STAB2: variants seen among roughly 807,000 people sequenced by gnomAD.
The protein encoded by STAB2 is stabilin-2.
STAB2 carries 288 observed loss-of-function variants against 338.1 expected under a neutral mutation model. The observed-to-expected ratio is 0.85, with a 90% CI of 0.77 to 0.94. The LOEUF is 0.94. Among genes scored for constraint, STAB2 ranks in the 40% least tolerant of loss-of-function variants. The pLI is 0.00. For missense variants in STAB2, 3,141 were observed against 3,210.1 expected (o/e 0.98, Z 0.52); for synonymous variants, 1,202 against 1,193.3 (o/e 1.01, Z -0.15).
In STAB2 at chr12:103,619,756, G is replaced by A. The variant is rs116255658; in HGVS notation, c.332-712G>A. On this transcript the variant is annotated intron_variant, in intron 3 of 68. Coordinates refer to ENST00000388887, the MANE Select transcript of STAB2 (RefSeq NM_017564.10). ...TTTTACCTCATCAGCAACGCCCCCC[G>A]CCCCCGCCACCCCACAACTCTCACA... Among the ~76,000 whole-genome samples, 22 of 115,676 alleles carry A rather than the reference G, an allele frequency of 1.9e-4. 1 individual carries two copies. The highest frequency in any genetic ancestry group is 4.9e-4 in the African/African-American group (14 of 28,422). 75.9% of individuals were successfully genotyped at this position (115,676 alleles called of 152,430 possible).
rs115822114 is a variant in STAB2 at position 103,695,111 on chromosome 12, A to G, written c.3376-439A>G. Among the ~76,000 whole-genome samples, 258 of 152,324 alleles carry G rather than the reference A, an allele frequency of 1.7e-3. 1 individual carries two copies. Among genetic ancestry groups the G allele is most frequent in the African/African-American group, 5.8e-3 (241 of 41,566 alleles). Reference sequence around the variant, plus strand: ...GCCACTGGGTTGCAGTAGATTTGAGACTTCAGAGAAAATAAATGGAGAACC... The same window carrying G: ...GCCACTGGGTTGCAGTAGATTTGAGGCTTCAGAGAAAATAAATGGAGAACC... On this transcript the variant is annotated intron_variant, in intron 31 of 68. Coordinates refer to ENST00000388887, the MANE Select transcript of STAB2 (RefSeq NM_017564.10).
Position 103,669,537 on chromosome 12 carries a change from T to G in STAB2, c.2173-4T>G, listed in dbSNP as rs1292336653. On this transcript the variant is annotated splice_region_variant and splice_polypyrimidine_tract_variant and intron_variant, in intron 20 of 68. Coordinates refer to ENST00000388887, the MANE Select transcript of STAB2 (RefSeq NM_017564.10). ...CAAAGGGGAACACGCATTTTGTTTTTCAGATTCCAAAGTGCTGCAAAGGCT... is the reference window on the plus strand; with the variant it reads ...CAAAGGGGAACACGCATTTTGTTTTGCAGATTCCAAAGTGCTGCAAAGGCT... 21 of 1,613,932 alleles carry G rather than the reference T, an allele frequency of 1.3e-5. No individual in the cohort carries two copies. Among genetic ancestry groups the G allele is most frequent in the Non-Finnish European group, 1.5e-5 (18 of 1,179,928 alleles).
chr12:103,606,231 C>T (rs1957025764), intron 3 of STAB2, among the ~76,000 whole-genome samples: 1 of 152,098 alleles, frequency 6.6e-6, no homozygotes, highest in African/African-American at 2.4e-5. Context: ...TTACACCACT[C>T]TATGCACAAG....
chr12:103,589,589 T>C lies in STAB2; in HGVS notation c.82-1308T>C, dbSNP rs1470944274. On this transcript the variant is annotated intron_variant, in intron 1 of 68. Transcript: ENST00000388887. ...GAGTTTAGCAAATAAGAATCAGGTG[T>C]CTTTTAATGGAGTGCAAAAACCAAC... Among the ~76,000 whole-genome samples the C allele has an allele frequency of 2.6e-5, 4 of 152,274 alleles. No homozygotes were observed. The East Asian group carries it at 7.7e-4, about 29-fold the overall frequency.
At chr12:103,680,490 C>T (rs763371351) in intron 25 of STAB2, among the ~76,000 whole-genome samples, 46 of 152,288 alleles carry the variant, frequency 3.0e-4, no homozygotes, top group Non-Finnish European at 5.1e-4. Flanking sequence ...GGATGACCTC[C>T]GGCCACTTCC....
chr12:103,704,706 C>T, intron 36 of STAB2, 92 bp downstream of exon 36: 1 of 1,040,046 alleles, frequency 9.6e-7, no homozygotes, highest in Admixed American at 2.2e-5. Context: ...TTTGCACTTC[C>T]CTCATTCCTT....
intron 17 of STAB2, 106 bp from the exon 18 acceptor site, chr12:103,662,740 T>C (rs901621844): frequency 1.6e-5 from 21 of 1,353,672 alleles, no homozygotes; most frequent in Non-Finnish European, 2.0e-5. Context: ...TAAGTGATGT[T>C]GAGGACTTTT....
intron 15 of STAB2, 74 bp downstream of exon 15, chr12:103,655,655 C>A: frequency 6.4e-7 from 1 of 1,568,540 alleles, no homozygotes; most frequent in Non-Finnish European, 8.7e-7. Context: ...CAGGTTTTTC[C>A]TAAACTAGAG....
chr12:103,645,379 T>C (rs975854579), intron 9 of STAB2, among the ~76,000 whole-genome samples: 10 of 152,210 alleles, frequency 6.6e-5, no homozygotes, highest in African/African-American at 2.4e-4. Context: ...ACTGAGGCCA[T>C]AAAAATATGA....
At chr12:103,655,146 A>C in intron 13 of STAB2, 105 bp from the exon 14 acceptor site, 1 of 1,080,328 alleles carries the variant, frequency 9.3e-7, no homozygotes. Flanking sequence ...ATATAAATCC[A>C]TACTGACACA....
intron 5 of STAB2, among the ~76,000 whole-genome samples, chr12:103,623,610 G>A (rs1957337165): frequency 1.3e-5 from 2 of 152,152 alleles, no homozygotes; most frequent in South Asian, 4.1e-4. Context: ...AAGGAAACAT[G>A]TTCTCCCCAG....
chr12:103,675,491 G>T (rs1876252425), intron 23 of STAB2, among the ~76,000 whole-genome samples: 1 of 152,204 alleles, frequency 6.6e-6, no homozygotes, highest in African/African-American at 2.4e-5. Flanking sequence ...TGAACCAGAG[G>T]TAATAATTAG....
chr12:103,748,584 CCACACACACACACACA>C (rs34364589), intron 58 of STAB2, among the ~76,000 whole-genome samples: 1 of 141,854 alleles, frequency 7.0e-6, no homozygotes, highest in Non-Finnish European at 1.5e-5. Context: ...TAACTCTACA[CCACACACACACACACA>C]CACATACACA....
intron 55 of STAB2, 94 bp downstream of exon 55, chr12:103,740,850 T>C (rs901828142): frequency 2.1e-6 from 3 of 1,447,510 alleles, no homozygotes; most frequent in Non-Finnish European, 2.7e-6. Context: ...TATAGGGGGA[T>C]GGGGGAAACA....
In STAB2 at chr12:103,636,253, C is replaced by T. The variant is rs376480450; in HGVS notation, c.584-858C>T. ...TGATGTTCCCCTTCCTGTGTCCATG[C>T]GTTCTCATTGTTCAATTCCCACCTA... On this transcript the variant is annotated intron_variant, in intron 6 of 68. Transcript: ENST00000388887. Among the ~76,000 whole-genome samples, 180 of 147,346 alleles carry T rather than the reference C, an allele frequency of 1.2e-3. 1 individual carries two copies. The East Asian group carries it at 0.021, about 17-fold the overall frequency.
intron 63 of STAB2, among the ~76,000 whole-genome samples, chr12:103,756,993 G>GAAAAAAAAAAA (rs146893760): frequency 6.5e-5 from 1 of 15,270 alleles, no homozygotes; most frequent in Non-Finnish European, 1.1e-4. Context: ...CAGAAGGAGG[G>GAAAAAAAAAAA]AAAATATATA....
intron 1 of STAB2, among the ~76,000 whole-genome samples, chr12:103,588,827 G>T (rs1002842565): frequency 6.6e-6 from 1 of 152,176 alleles, no homozygotes; most frequent in Non-Finnish European, 1.5e-5. Context: ...ATTAAAGGAG[G>T]TTAATTCAAA....
At chr12:103,654,430 T>G in intron 12 of STAB2, 125 bp from the exon 13 acceptor site, 5 of 1,061,408 alleles carry the variant, frequency 4.7e-6, no homozygotes, top group Non-Finnish European at 6.6e-6. Flanking sequence ...ATTAAGTGAC[T>G]TATCCAAAAT....
Position 103,699,146 on chromosome 12 carries a change from G to T in STAB2, c.3633G>T (p.Lys1211Asn). Residue 1211 changes from lysine (K) to asparagine (N), a missense_variant, in exon 34 of 69, where the codon AAG (lysine) becomes AAT (asparagine). Coordinates refer to ENST00000388887, the MANE Select transcript of STAB2 (RefSeq NM_017564.10). Reference protein sequence around the residue: ...YHVVLEEKLLKNDLHNGMHRE... With the variant: ...YHVVLEEKLLNNDLHNGMHRE... The stretch of plus-strand genomic sequence containing the variant: ...TGGTCCTGGAGGAGAAACTCCTGAA[G>T]AATGACCTGCACAATGGCATGCATC... 1 of 1,613,466 alleles carries T rather than the reference G, an allele frequency of 6.2e-7. No individual in the cohort carries two copies. Among genetic ancestry groups the T allele is most frequent in the Non-Finnish European group, 8.5e-7 (1 of 1,179,528 alleles).
Sources: allele counts gnomAD v4.1 joint callset (sites outside exome capture counted in the v4.1 genomes callset), GRCh38; gene constraint gnomAD v4.1.1; transcripts MANE v1.5; gene names NCBI Gene and HGNC (gene_info 2026-07-23, HGNC 2026-07-21).